AK9: variants seen among roughly 807,000 people sequenced by gnomAD.
AK9 encodes adenylate kinase 9, also known as adenylate kinase domain containing 1.
A neutral mutation model predicts 239.6 loss-of-function variants in AK9; 191 were observed. The observed-to-expected ratio is 0.80, with a 90% CI of 0.71 to 0.90. AK9 has a LOEUF of 0.90. AK9 is among the 40% of genes least tolerant of loss of function. The pLI, the probability that AK9 is intolerant of heterozygous loss-of-function variation, is 0.00. For missense variants in AK9, 1,995 were observed against 2,214.7 expected, an observed-to-expected ratio of 0.90 and a Z score of 1.99; for synonymous variants, 689 against 721.0, an observed-to-expected ratio of 0.96 and a Z score of 0.71.
intron 1 of AK9, among the ~76,000 whole-genome samples, chr6:109,679,496 C>T (rs752649686): frequency 1.3e-5 from 2 of 152,154 alleles, no homozygotes; most frequent in Non-Finnish European, 2.9e-5. Context: ...TGGGACAGAG[C>T]ACCTGGGGGA....
intron 27 of AK9, 92 bp from the exon 28 acceptor site, chr6:109,533,562 A>G (rs545959025): frequency 9.7e-7 from 1 of 1,026,206 alleles, no homozygotes; most frequent in Non-Finnish European, 1.4e-6. Context: ...TATACAAGGT[A>G]TATTAAGTCA....
Position 109,529,002 on chromosome 6 carries a change from A to C in AK9, c.3633+9T>G. The C allele has an allele frequency of 6.3e-7, 1 of 1,598,850 alleles. No individual in the cohort carries two copies. ...ACCCTGTTTTGAAAAAAAAAACAAAACTACTTACCTCCCTCCTTTTTTTAT... is the reference window on the plus strand; with the variant it reads ...ACCCTGTTTTGAAAAAAAAAACAAACCTACTTACCTCCCTCCTTTTTTTAT... On this transcript the variant is annotated intron_variant, in intron 29 of 40. Transcript: ENST00000424296.
At chr6:109,559,167 G>GTTTTTTT (rs79796830) in intron 24 of AK9, among the ~76,000 whole-genome samples, 2 of 145,306 alleles carry the variant, frequency 1.4e-5, no homozygotes. Context: ...ATATCTATCT[G>GTTTTTTT]TTTTTTTTTT....
At chr6:109,646,829 C>T (rs898854032) in intron 8 of AK9, among the ~76,000 whole-genome samples, 2 of 152,166 alleles carry the variant, frequency 1.3e-5, no homozygotes, top group Non-Finnish European at 2.9e-5. Flanking sequence ...ATGTTAAGGG[C>T]AGCCAGAGAG....
chr6:109,612,594 C>T (rs552358491), intron 15 of AK9, among the ~76,000 whole-genome samples: 27 of 152,220 alleles, frequency 1.8e-4, no homozygotes, highest in African/African-American at 4.6e-4. Context: ...AAAGATGAGG[C>T]TGTCAGCTGC....
intron 27 of AK9, among the ~76,000 whole-genome samples, chr6:109,540,975 T>G (rs867592358): frequency 6.6e-6 from 1 of 152,304 alleles, no homozygotes; most frequent in Middle Eastern, 3.4e-3. Flanking sequence ...CTGCTCTTCC[T>G]TCTGACCCAC....
At chr6:109,673,037 T>C (rs558997430) in intron 3 of AK9, among the ~76,000 whole-genome samples, 17 of 152,326 alleles carry the variant, frequency 1.1e-4, no homozygotes, top group African/African-American at 3.4e-4. Context: ...AAATGTATCA[T>C]TCCTTGATAG....
At chr6:109,573,220 T>G (rs779442955) in intron 21 of AK9, among the ~76,000 whole-genome samples, 163 of 152,236 alleles carry the variant, frequency 1.1e-3, no homozygotes, top group Non-Finnish European at 1.6e-3. Flanking sequence ...ACAAATTACA[T>G]AGCCAGCTGT....
At chr6:109,634,659 T>C (rs777547018) in intron 10 of AK9, among the ~76,000 whole-genome samples, 10 of 152,132 alleles carry the variant, frequency 6.6e-5, no homozygotes, top group East Asian at 3.9e-4. Context: ...CTGGAAGTGA[T>C]AGTAAATATT....
At chr6:109,542,587 T>C (rs1783040298) in intron 26 of AK9, among the ~76,000 whole-genome samples, 1 of 152,154 alleles carries the variant, frequency 6.6e-6, no homozygotes, top group African/African-American at 2.4e-5. Flanking sequence ...ACCCCATAAA[T>C]ATGTACAAAT....
intron 21 of AK9, among the ~76,000 whole-genome samples, chr6:109,568,704 T>G (rs1786942824): frequency 6.6e-6 from 1 of 151,976 alleles, no homozygotes; most frequent in Non-Finnish European, 1.5e-5. Flanking sequence ...ATAAAATACC[T>G]AGGAATCCAA....
chr6:109,512,576 CTTTTCATCTGA>C (rs1778864018), intron 32 of AK9, among the ~76,000 whole-genome samples: 1 of 152,136 alleles, frequency 6.6e-6, no homozygotes, highest in African/African-American at 2.4e-5. Context: ...CCAAAATAAA[CTTTTCATCTGA>C]AGAGCTGGAA....
intron 35 of AK9, 43 bp from the exon 36 acceptor site, chr6:109,499,283 T>G (rs767319006): frequency 7.5e-7 from 1 of 1,332,826 alleles, no homozygotes; most frequent in Non-Finnish European, 9.9e-7. Flanking sequence ...ATATTTTTCA[T>G]AGAGAACGCA....
intron 39 of AK9, chr6:109,494,326 T>C (rs1223655948): frequency 2.3e-6 from 1 of 433,882 alleles, no homozygotes; most frequent in African/African-American, 2.0e-5. Context: ...AGCTAAGTGA[T>C]GGATAGGAGT....
intron 24 of AK9, among the ~76,000 whole-genome samples, chr6:109,561,395 A>T (rs9400300): frequency 0.71 from 108,389 of 152,106 alleles, 39,115 homozygotes; most frequent in East Asian, 0.99. Flanking sequence ...AGCTCACTGA[A>T]GCCTCGACCT....
chr6:109,554,985 G>A (rs1784819730), intron 24 of AK9, among the ~76,000 whole-genome samples: 1 of 152,098 alleles, frequency 6.6e-6, no homozygotes, highest in Admixed American at 6.6e-5. Flanking sequence ...TGGTATTTCG[G>A]AAGGTTCTTT....
At chr6:109,559,103 C>T (rs191568196) in intron 24 of AK9, among the ~76,000 whole-genome samples, 9 of 151,898 alleles carry the variant, frequency 5.9e-5, no homozygotes, top group Admixed American at 2.6e-4. Flanking sequence ...CCGCCTGACT[C>T]GGCCTCCCAA....
At chr6:109,636,684 T>A (rs920901294) in intron 10 of AK9, among the ~76,000 whole-genome samples, 1 of 150,220 alleles carries the variant, frequency 6.7e-6, no homozygotes, top group African/African-American at 2.5e-5. Flanking sequence ...ACTTAGTATG[T>A]TTTCATGGAT....
chr6:109,647,544 C>T (rs1181081600), intron 8 of AK9, among the ~76,000 whole-genome samples: 1 of 152,116 alleles, frequency 6.6e-6, no homozygotes, highest in Non-Finnish European at 1.5e-5. Flanking sequence ...GCTAACTATT[C>T]TAAATATATA....
Sources: gnomAD v4.1 joint callset for allele counts (sites outside exome capture counted in the v4.1 genomes callset) on GRCh38, gnomAD v4.1.1 for gene constraint, MANE v1.5 for transcripts, NCBI Gene and HGNC (gene_info 2026-07-23, HGNC 2026-07-21) for gene names.